Variants in PXDNL observed in about 807,000 individuals in gnomAD.
PXDNL encodes peroxidasin like, also known as probable oxidoreductase PXDNL.
PXDNL carries 145 observed loss-of-function variants against 150.8 expected under a neutral mutation model. The ratio of observed to expected loss-of-function variants is 0.96; its 90% CI spans 0.84 to 1.10. The LOEUF is 1.10. Ranked by LOEUF, PXDNL falls within the 50% of genes least tolerant of loss-of-function variation. The pLI, the probability that PXDNL is intolerant of heterozygous loss-of-function variation, is 0.00. For missense variants in PXDNL, 2,087 were observed against 1,873.9 expected (o/e 1.11, Z -2.10); for synonymous variants, 757 against 725.7 (o/e 1.04, Z -0.69).
intron 21 of PXDNL, among the ~76,000 whole-genome samples, chr8:51,323,890 T>G (rs1025009139): frequency 1.3e-5 from 2 of 149,998 alleles, no homozygotes; most frequent in Non-Finnish European, 2.9e-5. Context: ...CACTCCAGCC[T>G]GGGTGACAAG....
chr8:51,523,357 C>G (rs1208236089), intron 4 of PXDNL, among the ~76,000 whole-genome samples: 3 of 152,090 alleles, frequency 2.0e-5, no homozygotes, highest in African/African-American at 7.2e-5. Flanking sequence ...AAAATTTTCT[C>G]TCTATGCAAG....
chr8:51,697,028 G>A (rs1816163062), intron 1 of PXDNL, among the ~76,000 whole-genome samples: 1 of 152,200 alleles, frequency 6.6e-6, no homozygotes. Context: ...AATAGGCCAG[G>A]CACAGTGGCT....
At chr8:51,582,848 T>C (rs964626986) in intron 3 of PXDNL, among the ~76,000 whole-genome samples, 3 of 152,102 alleles carry the variant, frequency 2.0e-5, no homozygotes, top group African/African-American at 7.2e-5. Flanking sequence ...TACTCTATAC[T>C]GGCATAATTG....
chr8:51,672,953 A>T (rs11987250), intron 1 of PXDNL, among the ~76,000 whole-genome samples: 9,560 of 152,250 alleles, frequency 0.063, 940 homozygotes, highest in African/African-American at 0.21. Context: ...ACAAGAAAAC[A>T]GGATTAAATT....
chr8:51,744,059 AAGGAAGGAAGGAAGGAAGGAAG>A lies in PXDNL; in HGVS notation c.164+65100_164+65121del, dbSNP rs1563307075. The stretch of plus-strand genomic sequence containing the variant: ...GAAGGAAGGAAGGAAGGAAGGAAGG[AAGGAAGGAAGGAAGGAAGGAAG>A]GAAGGAAGGAAGGAAAGAAAGAAAG... On this transcript the variant is annotated intron_variant, in intron 1 of 22. Coordinates refer to ENST00000356297, the MANE Select transcript of PXDNL (RefSeq NM_144651.5). 9.3e-3 allele frequency among the ~76,000 whole-genome samples: 657 copies of A among 70,990 alleles called. 17 individuals are homozygous for A. The highest frequency in any genetic ancestry group is 0.013 in the Non-Finnish European group (422 of 31,616). 46.6% of individuals were successfully genotyped at this position (70,990 alleles called of 152,430 possible). A position where few individuals can be genotyped will look rare whatever the true frequency, so the allele number is the denominator to read the frequency against.
chr8:51,614,303 G>A (rs1245644642), intron 2 of PXDNL, among the ~76,000 whole-genome samples: 4 of 152,096 alleles, frequency 2.6e-5, no homozygotes, highest in African/African-American at 4.8e-5. Context: ...AGGTTTCTTC[G>A]TACATAGTGA....
chr8:51,565,345 A>ATAG (rs1563466651), intron 3 of PXDNL, among the ~76,000 whole-genome samples: 6 of 114,874 alleles, frequency 5.2e-5, no homozygotes, highest in South Asian at 6.1e-4. Flanking sequence ...TAGATAGATA[A>ATAG]ATAAATAAAT....
chr8:51,580,682 C>A (rs1322627282), intron 3 of PXDNL, among the ~76,000 whole-genome samples: 1 of 152,000 alleles, frequency 6.6e-6, no homozygotes, highest in Non-Finnish European at 1.5e-5. Flanking sequence ...GCCTGGAAGA[C>A]AAAAGTAGCT....
At position 51,664,428 on chromosome 8, in the gene PXDNL, G is replaced by T. The variant is rs74803060; in HGVS notation, c.165-9668C>A. Among the ~76,000 whole-genome samples the T allele has an allele frequency of 5.5e-3, 841 of 152,152 alleles. 7 individuals carry two copies. Among genetic ancestry groups the T allele is most frequent in the South Asian group, 0.036 (173 of 4,818 alleles). Reference sequence around the variant, plus strand: ...GTTATATTATGCAATGATTTCCACTGTTTCTGTGCCCCACACTCCATGTTA... The same window carrying T: ...GTTATATTATGCAATGATTTCCACTTTTTCTGTGCCCCACACTCCATGTTA... On this transcript the variant is annotated intron_variant, in intron 1 of 22. Transcript: ENST00000356297.
At chr8:51,499,015 A>T (rs1464350597) in intron 5 of PXDNL, among the ~76,000 whole-genome samples, 3 of 152,126 alleles carry the variant, frequency 2.0e-5, no homozygotes, top group Non-Finnish European at 2.9e-5. Context: ...ATACAAGAAC[A>T]CATCTTCTGG....
rs542440354 is a variant in PXDNL at position 51,409,992 on chromosome 8, C to G, written c.2063-431G>C. ...CTTCTACTCTGTGCCTTTACAAGAA[C>G]GATGTTGGCAAGGATTTGTTCTTCC... On this transcript the variant is annotated intron_variant, in intron 16 of 22. Coordinates refer to ENST00000356297, the MANE Select transcript of PXDNL (RefSeq NM_144651.5). 1.3e-3 allele frequency among the ~76,000 whole-genome samples: 197 copies of G among 152,282 alleles called. 2 individuals carry two copies. The highest frequency in any genetic ancestry group is 5.6e-3 in the East Asian group (29 of 5,188).
chr8:51,797,841 G>A (rs878921563), intron 1 of PXDNL, among the ~76,000 whole-genome samples: 2 of 152,104 alleles, frequency 1.3e-5, no homozygotes, highest in Admixed American at 1.3e-4. Flanking sequence ...AAATTCATTT[G>A]GAACCAAAAA....
At chr8:51,328,237 T>C (rs1805578942) in intron 21 of PXDNL, among the ~76,000 whole-genome samples, 1 of 152,212 alleles carries the variant, frequency 6.6e-6, no homozygotes, top group African/African-American at 2.4e-5. Context: ...TCCATAATGG[T>C]GTGAGCCAAT....
At chr8:51,744,710 G>A (rs1455159855) in intron 1 of PXDNL, among the ~76,000 whole-genome samples, 51 of 71,190 alleles carry the variant, frequency 7.2e-4, no homozygotes, top group South Asian at 2.7e-3. Context: ...AGGAAAGAAA[G>A]AAAGAAAAGA....
chr8:51,788,820 GAGGT>G (rs1305177444), intron 1 of PXDNL, among the ~76,000 whole-genome samples: 1 of 152,166 alleles, frequency 6.6e-6, no homozygotes, highest in African/African-American at 2.4e-5. Context: ...ATCTCAAGTA[GAGGT>G]GTTCCAAGCT....
intron 17 of PXDNL, among the ~76,000 whole-genome samples, chr8:51,397,071 C>T (rs1280408567): frequency 5.9e-5 from 9 of 152,138 alleles, no homozygotes. Context: ...TGATACAAAA[C>T]CAAAATATGT....
chr8:51,388,927 C>CT (rs1348546003), intron 17 of PXDNL, among the ~76,000 whole-genome samples: 4 of 151,852 alleles, frequency 2.6e-5, no homozygotes, highest in African/African-American at 7.3e-5. Context: ...GTATTTTTAC[C>CT]TTTTCCTTTT....
intron 2 of PXDNL, among the ~76,000 whole-genome samples, chr8:51,607,854 G>GAGGA (rs143544585): frequency 0.12 from 8,465 of 72,486 alleles, 673 homozygotes; most frequent in East Asian, 0.2. Flanking sequence ...AAAAGGAAGA[G>GAGGA]AGGAAGGAAG....
chr8:51,600,911 C>T (rs1394960614), intron 2 of PXDNL, among the ~76,000 whole-genome samples: 4 of 136,370 alleles, frequency 2.9e-5, no homozygotes, highest in South Asian at 2.3e-4. Context: ...TAGATAATTA[C>T]ATCTTATATA....
Sources: allele counts gnomAD v4.1 joint callset (sites outside exome capture counted in the v4.1 genomes callset), GRCh38; gene constraint gnomAD v4.1.1; transcripts MANE v1.5; gene names NCBI Gene and HGNC (gene_info 2026-07-23, HGNC 2026-07-21).